Variants in MLPH observed in about 807,000 individuals in gnomAD.
MLPH encodes exophilin-3.
A neutral mutation model predicts 72.1 loss-of-function variants in MLPH; 51 were observed. That is an observed-to-expected ratio of 0.71 (90% CI 0.56 to 0.89). The LOEUF (loss-of-function observed/expected upper bound fraction) is 0.89. Among genes scored for constraint, MLPH ranks in the 40% least tolerant of loss-of-function variants. MLPH has a pLI of 0.00. For missense variants in MLPH, 743 were observed against 759.9 expected (o/e 0.98, Z 0.26); for synonymous variants, 301 against 310.1 (o/e 0.97, Z 0.31).
intron 8 of MLPH, among the ~76,000 whole-genome samples, chr2:237,531,347 T>C (rs1211791686): frequency 6.6e-6 from 1 of 152,076 alleles, no homozygotes; most frequent in Non-Finnish European, 1.5e-5. Context: ...GTGGCCAGGA[T>C]AGAGACCTCT....
At chr2:237,490,168 C>A (rs1418963039) in intron 1 of MLPH, among the ~76,000 whole-genome samples, 1 of 152,138 alleles carries the variant, frequency 6.6e-6, no homozygotes, top group South Asian at 2.1e-4. Flanking sequence ...TGGGAGCCCC[C>A]ACCCCACCCA....
At position 237,546,659 on chromosome 2, in the gene MLPH, T is replaced by C. The variant is rs779148211; in HGVS notation, c.1593T>C (p.Asn531=). ...GKLGKRPEDP[N]ADPSSEAKAM... ...TTGGCAAGAGACCAGAGGACCCAAA[T>C]GCAGACCCTTCAAGTGAGGCCAAGG... The change falls in exon 13 of 16, where the codon AAT becomes AAC. Residue 531 remains asparagine, a synonymous_variant. Transcript: ENST00000264605. The C allele has an allele frequency of 3.1e-6, 5 of 1,614,200 alleles. No homozygotes were observed. Among genetic ancestry groups the C allele is most frequent in the Admixed American group, 1.7e-5 (1 of 60,022 alleles).
intron 2 of MLPH, among the ~76,000 whole-genome samples, chr2:237,508,586 C>A (rs78541836): frequency 6.6e-6 from 1 of 152,140 alleles, no homozygotes; most frequent in African/African-American, 2.4e-5. Flanking sequence ...ATAGCTTTGG[C>A]CTTGTGACTC....
chr2:237,538,634 C>T (rs1280489309), intron 9 of MLPH, among the ~76,000 whole-genome samples: 1 of 152,188 alleles, frequency 6.6e-6, no homozygotes, highest in African/African-American at 2.4e-5. Flanking sequence ...TTCAGCTCAC[C>T]CCTATAGCTT....
chr2:237,534,600 T>C lies in MLPH; in HGVS notation c.1057T>C (p.Cys353Arg), dbSNP rs1559365547. Reference protein sequence around the residue: ...ELNKHISAVECLLTYLENTVV... With the variant: ...ELNKHISAVERLLTYLENTVV... ...GAATAAGCATATTTCAGCTGTGGAA[T>C]GCCTGCTGACCTACCTGGAGAACAC... The change falls in exon 9 of 16, where the codon TGC (cysteine) becomes CGC (arginine). Residue 353 changes from cysteine (C) to arginine (R), a missense_variant. By Grantham distance (180) the Cys-to-Arg change is radical. Coordinates refer to ENST00000264605, the MANE Select transcript of MLPH (RefSeq NM_024101.7). 1 of 1,613,826 alleles carries C rather than the reference T, an allele frequency of 6.2e-7. No individual in the cohort carries two copies. Among genetic ancestry groups the C allele is most frequent in the East Asian group, 2.2e-5 (1 of 44,880 alleles).
intron 9 of MLPH, among the ~76,000 whole-genome samples, chr2:237,538,152 C>T (rs990967654): frequency 3.9e-5 from 6 of 152,212 alleles, no homozygotes; most frequent in Non-Finnish European, 7.3e-5. Flanking sequence ...TCGACAAAAA[C>T]GCGGGCCTTG....
At chr2:237,540,287 C>G in intron 9 of MLPH, 61 bp from the exon 10 acceptor site, 2 of 1,575,492 alleles carry the variant, frequency 1.3e-6, no homozygotes, top group Non-Finnish European at 1.7e-6. Context: ...CAGAGCCAGC[C>G]CTGGAGCTCC....
intron 5 of MLPH, among the ~76,000 whole-genome samples, chr2:237,519,612 G>A (rs1017583527): frequency 1.3e-5 from 2 of 152,160 alleles, no homozygotes; most frequent in African/African-American, 2.4e-5. Context: ...CCTAGGCGGG[G>A]TCCCTGGGGC....
At chr2:237,544,467 G>A (rs1250929426) in intron 12 of MLPH, among the ~76,000 whole-genome samples, 16 of 52,064 alleles carry the variant, frequency 3.1e-4, no homozygotes, top group South Asian at 6.8e-4. Flanking sequence ...ACAGTAGTGA[G>A]TGGGGACAGT....
chr2:237,527,431 A>T lies in MLPH; in HGVS notation c.935A>T (p.Asp312Val). ...CCCCTGCAGTACTTGGCCGATGTGG[A>T]CACCTCTGATGAGGAAAGCATCCGG... ...QLPLQYLADV[D>V]TSDEESIRAH... Residue 312 changes from aspartate (D) to valine (V), a missense_variant, in exon 8 of 16, where the codon GAC (aspartate) becomes GTC (valine). Transcript: ENST00000264605. 1 of 1,614,200 alleles carries T rather than the reference A, an allele frequency of 6.2e-7. No homozygotes were observed.
At chr2:237,495,623 G>A (rs767613733) in intron 2 of MLPH, among the ~76,000 whole-genome samples, 12 of 152,316 alleles carry the variant, frequency 7.9e-5, no homozygotes, top group African/African-American at 2.2e-4. Context: ...GGAGGCGCTC[G>A]TGTTGGTGGG....
Position 237,554,010 on chromosome 2 carries a change from TTGA to T in MLPH, c.*421_*423del. 2.8e-6 allele frequency: 1 copy of T among 356,264 alleles called. No individual in the cohort carries two copies. Among genetic ancestry groups the T allele is most frequent in the South Asian group, 2.3e-5 (1 of 44,136 alleles). The allele number at this position is 356,264 out of a possible 1,614,324, so 22.1% of individuals were successfully genotyped here. A position where few individuals can be genotyped will look rare whatever the true frequency, so the allele number is the denominator to read the frequency against. On this transcript the variant is annotated 3_prime_UTR_variant, in exon 16 of 16. Transcript: ENST00000264605. ...TAAGGCACCAGCCATATGTGTATTC[TTGA>T]TGGTCTATATCGGGGTGTGAGCAGA... is the stretch of plus-strand genomic sequence containing the variant.
chr2:237,500,407 A>G (rs1187879971), intron 2 of MLPH, among the ~76,000 whole-genome samples: 1 of 152,250 alleles, frequency 6.6e-6, no homozygotes, highest in Non-Finnish European at 1.5e-5. Flanking sequence ...ATGGAGCACC[A>G]GAAGTGTGGC....
intron 2 of MLPH, among the ~76,000 whole-genome samples, chr2:237,497,570 G>C (rs191193988): frequency 1.3e-3 from 202 of 152,324 alleles, no homozygotes; most frequent in African/African-American, 4.6e-3. Context: ...AAACCAGGTG[G>C]TGTGGACGCT....
At chr2:237,518,210 G>T in intron 4 of MLPH, 2 of 422,134 alleles carry the variant, frequency 4.7e-6, no homozygotes, top group East Asian at 5.0e-5. Context: ...ATGAATAGAT[G>T]GGTGGAGGAT....
chr2:237,487,240 G>C (rs1163860127), upstream of MLPH: 5 of 152,268 alleles, frequency 3.3e-5, no homozygotes, highest in Admixed American at 2.6e-4. Flanking sequence ...GGGAGGCGCC[G>C]GGACGTGGCC....
At chr2:237,490,786 A>G (rs921891618) in intron 1 of MLPH, among the ~76,000 whole-genome samples, 8 of 152,232 alleles carry the variant, frequency 5.3e-5, no homozygotes, top group African/African-American at 1.9e-4. Flanking sequence ...GTGCTCTGTG[A>G]GAGCATCAAA....
chr2:237,526,804 C>T (rs577474329), intron 7 of MLPH, among the ~76,000 whole-genome samples: 20 of 152,294 alleles, frequency 1.3e-4, no homozygotes, highest in African/African-American at 4.8e-4. Flanking sequence ...AAGGGGTATG[C>T]TTGAGACTCA....
At chr2:237,501,510 A>T (rs1358120679) in intron 2 of MLPH, among the ~76,000 whole-genome samples, 2 of 151,868 alleles carry the variant, frequency 1.3e-5, no homozygotes, top group African/African-American at 4.8e-5. Flanking sequence ...TATTTCCCCC[A>T]TAAATATATA....
Sources: allele counts gnomAD v4.1 joint callset (sites outside exome capture counted in the v4.1 genomes callset), GRCh38; gene constraint gnomAD v4.1.1; transcripts MANE v1.5; gene names NCBI Gene and HGNC (gene_info 2026-07-23, HGNC 2026-07-21).